Variants in ZNF787 observed in about 807,000 individuals in gnomAD.
The protein encoded by ZNF787 is TTF-I-interacting peptide 20.
A neutral mutation model predicts 16.9 loss-of-function variants in ZNF787; 7 were observed. The observed-to-expected ratio is 0.42, with a 90% CI of 0.24 to 0.78. ZNF787 has a LOEUF of 0.78. Among genes scored for constraint, ZNF787 ranks in the 30% least tolerant of loss-of-function variants. The pLI, the probability that ZNF787 is intolerant of heterozygous loss-of-function variation, is 0.30. For synonymous variants in ZNF787, 345 were observed against 270.9 expected, an observed-to-expected ratio of 1.27 and a Z score of -2.69; for missense variants, 551 against 589.3, an observed-to-expected ratio of 0.94 and a Z score of 0.67.
At chr19:56,100,044 C>T (rs1020193323) in intron 2 of ZNF787, among the ~76,000 whole-genome samples, 2 of 152,042 alleles carry the variant, frequency 1.3e-5, no homozygotes, top group Non-Finnish European at 2.9e-5. Context: ...GGGCTGGGGC[C>T]GTGGTGGGAA....
chr19:56,090,863 C>T (rs991661709), intron 2 of ZNF787, among the ~76,000 whole-genome samples: 1 of 152,196 alleles, frequency 6.6e-6, no homozygotes, highest in Admixed American at 6.5e-5. Flanking sequence ...TCCCTCCAGA[C>T]GCACTGTATG....
At position 56,088,204 on chromosome 19, in the gene ZNF787, CCGCACTCCA is replaced by C; in HGVS notation, c.959_967del (p.Val320_Cys322del). 6.5e-7 allele frequency: 1 copy of C among 1,532,404 alleles called. No individual in the cohort carries two copies. Among genetic ancestry groups the C allele is most frequent in the Non-Finnish European group, 8.7e-7 (1 of 1,145,790 alleles). The allele number at this position is 1,532,404 out of a possible 1,614,324, so 94.9% of individuals were successfully genotyped here. A position where few individuals can be genotyped will look rare whatever the true frequency, so the allele number is the denominator to read the frequency against. ...CGCGGCGCCCTGCACGAAGCCCTCCCCGCACTCCACGCAGATGTGGGCCGGCTCCTCGCC... is the reference window on the plus strand; with the variant it reads ...CGCGGCGCCCTGCACGAAGCCCTCCCCGCAGATGTGGGCCGGCTCCTCGCC... On this transcript the variant is annotated inframe_deletion, in exon 3 of 3. Transcript: ENST00000610935. The surrounding 1 kb of genome is among the most constrained non-coding windows in gnomAD (Gnocchi z 8.6).
chr19:56,113,392 C>T (rs1396356302), intron 1 of ZNF787, among the ~76,000 whole-genome samples: 1 of 152,186 alleles, frequency 6.6e-6, no homozygotes, highest in East Asian at 1.9e-4. Flanking sequence ...AGAAAACATG[C>T]GTCCGTCCAC....
chr19:56,102,344 G>T (rs62122449), intron 2 of ZNF787: 1 of 153,184 alleles, frequency 6.5e-6, no homozygotes, highest in Non-Finnish European at 1.5e-5. Context: ...GGCCAGCGTG[G>T]GCCTGGGACC....
At chr19:56,118,715 A>G (rs1288033381) in intron 1 of ZNF787, among the ~76,000 whole-genome samples, 2 of 152,308 alleles carry the variant, frequency 1.3e-5, no homozygotes, top group African/African-American at 2.4e-5. Flanking sequence ...CACCTGGCAC[A>G]GTCCTCACTA....
intron 2 of ZNF787, among the ~76,000 whole-genome samples, chr19:56,090,101 TTACTAGAC>T (rs1333948290): frequency 1.3e-5 from 2 of 152,152 alleles, no homozygotes; most frequent in African/African-American, 4.8e-5. Flanking sequence ...ACTCCTGACC[TTACTAGAC>T]TGTAAGCTCC....
chr19:56,103,406 C>T (rs1986181698), intron 1 of ZNF787, 179 bp from the exon 2 acceptor site: 1 of 516,446 alleles, frequency 1.9e-6, no homozygotes, highest in Non-Finnish European at 3.3e-6. Flanking sequence ...GGCCGCTCCC[C>T]ACTGCAGGGG....
chr19:56,116,929 G>A (rs1010319384), intron 1 of ZNF787, among the ~76,000 whole-genome samples: 1 of 152,170 alleles, frequency 6.6e-6, no homozygotes, highest in African/African-American at 2.4e-5. Flanking sequence ...CCAGGTCCTG[G>A]GTGCAGGGTG....
rs370549784 is a variant in ZNF787 at position 56,088,073 on chromosome 19, C to A, written c.1099G>T (p.Glu367Ter). The stretch of plus-strand genomic sequence containing the variant: ...TCGGGGCACCGCCCGCCCGCGGCCT[C>A]GTCGTCGTCGTCCTCCTCCTCCCCG... Reference protein sequence around the residue: ...AGGEEEDDDDEAAGGRCPECR... With the variant: ...AGGEEEDDDD Residue 367 changes from glutamate (E) to a stop codon, truncating the protein, a stop_gained, in exon 3 of 3, where the codon GAG (glutamate) becomes TAG (stop). Transcript: ENST00000610935. LOFTEE classifies it high-confidence loss of function. This position sits in a 1 kb window ranked among gnomAD's most constrained non-coding sequence, Gnocchi z 8.6. The A allele has an allele frequency of 7.0e-7, 1 of 1,434,828 alleles. No homozygotes were observed. The highest frequency in any genetic ancestry group is 9.2e-7 in the Non-Finnish European group (1 of 1,089,800). The allele number at this position is 1,434,828 out of a possible 1,614,324, so 88.9% of individuals were successfully genotyped here. A position where few individuals can be genotyped will look rare whatever the true frequency, so the allele number is the denominator to read the frequency against.
At chr19:56,120,916 T>C (rs967827356) in intron 1 of ZNF787, among the ~76,000 whole-genome samples, 42 of 43,884 alleles carry the variant, frequency 9.6e-4, no homozygotes, top group Admixed American at 6.0e-4. Flanking sequence ...GCACCCCCCC[T>C]CCAGCCCCGC....
chr19:56,089,998 G>A (rs936144821), intron 2 of ZNF787, among the ~76,000 whole-genome samples: 2 of 152,092 alleles, frequency 1.3e-5, no homozygotes, highest in African/African-American at 2.4e-5. Flanking sequence ...CAGGTGGGAG[G>A]GCCTCAGCAA....
intron 2 of ZNF787, chr19:56,102,830 G>A: frequency 1.4e-6 from 1 of 693,088 alleles, no homozygotes; most frequent in Non-Finnish European, 2.6e-6. Context: ...AGAGGAAGGG[G>A]GCACCCTCAA....
chr19:56,101,029 AAGTC>A (rs1345763468), intron 2 of ZNF787, among the ~76,000 whole-genome samples: 1 of 130,778 alleles, frequency 7.6e-6, no homozygotes, highest in Non-Finnish European at 1.6e-5. Context: ...CCCACCTACG[AAGTC>A]TGTCACTGTC....
At chr19:56,110,575 TGAG>T (rs1256296524) in intron 1 of ZNF787, among the ~76,000 whole-genome samples, 1 of 151,390 alleles carries the variant, frequency 6.6e-6, no homozygotes, top group Non-Finnish European at 1.5e-5. Flanking sequence ...AACTTGGGGC[TGAG>T]GAGGTGGTGG....
chr19:56,116,421 G>A (rs1484014070), intron 1 of ZNF787, among the ~76,000 whole-genome samples: 4 of 151,948 alleles, frequency 2.6e-5, no homozygotes, highest in African/African-American at 7.3e-5. Context: ...CAGCCTGGGC[G>A]ACGGAGTGAG....
Position 56,095,272 on chromosome 19 carries a change from T to C in ZNF787, c.80-6180A>G, listed in dbSNP as rs536831475. Among the ~76,000 whole-genome samples the C allele has an allele frequency of 4.6e-5, 7 of 152,314 alleles. No homozygotes were observed. The South Asian group carries it at 1.2e-3, about 27-fold the overall frequency. ...ACTCACCTCCCCAAGTGTGGCCCAG[T>C]TCCTAACAGGCCACGGAGCAGCACC... On this transcript the variant is annotated intron_variant, in intron 2 of 2. Coordinates refer to ENST00000610935, the MANE Select transcript of ZNF787 (RefSeq NM_001002836.4).
At position 56,108,678 on chromosome 19, in the gene ZNF787, G is replaced by T. The variant is rs937838878; in HGVS notation, c.-10-5451C>A. Among the ~76,000 whole-genome samples the T allele has an allele frequency of 3.4e-4, 51 of 152,078 alleles. 2 individuals carry two copies. Among genetic ancestry groups the T allele is most frequent in the Non-Finnish European group, 7.4e-5 (5 of 68,012 alleles). Reference sequence around the variant, plus strand: ...GCACAGCTGGGTGAGCACACAAACAGGTAGGTCTGGACAAAGCACAGGCTT... The same window carrying T: ...GCACAGCTGGGTGAGCACACAAACATGTAGGTCTGGACAAAGCACAGGCTT... On this transcript the variant is annotated intron_variant, in intron 1 of 2. Transcript: ENST00000610935.
chr19:56,105,345 C>T (rs575381456), intron 1 of ZNF787: 44 of 152,122 alleles, frequency 2.9e-4, no homozygotes, highest in African/African-American at 9.9e-4. Flanking sequence ...AGCGCCTCAG[C>T]GAAACTCCAC....
chr19:56,088,290 C>T lies in ZNF787; in HGVS notation c.882G>A (p.Gly294=). 2.2e-6 allele frequency: 3 copies of T among 1,367,686 alleles called. No homozygotes were observed. Among genetic ancestry groups the T allele is most frequent in the South Asian group, 1.5e-5 (1 of 64,896 alleles). 84.7% of individuals were successfully genotyped at this position (1,367,686 alleles called of 1,614,324 possible). A position where few individuals can be genotyped will look rare whatever the true frequency, so the allele number is the denominator to read the frequency against. ...ECGKGFGHGA[G]LLAHQRAQHG... is the part of the protein sequence containing the mutation. ...GCTGGGCCCGCTGGTGCGCCAGGAG[C>T]CCGGCCCCGTGCCCGAAGCCCTTCC... Residue 294 remains glycine (G), a synonymous_variant, in exon 3 of 3, where the codon GGG becomes GGA. Coordinates refer to ENST00000610935, the MANE Select transcript of ZNF787 (RefSeq NM_001002836.4). The surrounding 1 kb of genome is among the most constrained non-coding windows in gnomAD (Gnocchi z 8.6).
Sources: gnomAD v4.1 joint callset for allele counts (sites outside exome capture counted in the v4.1 genomes callset) on GRCh38, gnomAD v4.1.1 for gene constraint, Gnocchi (gnomAD v3.1) non-coding constraint, MANE v1.5 for transcripts, NCBI Gene and HGNC (gene_info 2026-07-23, HGNC 2026-07-21) for gene names.